AK5: variants seen among roughly 807,000 people sequenced by gnomAD.
The protein encoded by AK5 is adenylate kinase isoenzyme 5.
Under a neutral mutation model 69.5 loss-of-function variants are expected in AK5, and 27 were observed. The observed-to-expected ratio is 0.39, with a 90% CI of 0.29 to 0.54. The LOEUF is 0.54. AK5 is among the 20% of genes least tolerant of loss of function. The probability of loss-of-function intolerance (pLI) is 0.71; values close to 1 mark genes in which losing one functional copy is unlikely to be tolerated. For missense variants in AK5, 531 were observed against 700.4 expected, an observed-to-expected ratio of 0.76 and a Z score of 2.73; for synonymous variants, 260 against 244.4, an observed-to-expected ratio of 1.06 and a Z score of -0.60.
At chr1:77,467,347 A>G (rs949578587) in intron 8 of AK5, among the ~76,000 whole-genome samples, 19 of 152,206 alleles carry the variant, frequency 1.2e-4, no homozygotes, top group African/African-American at 4.6e-4. Context: ...ATGCATTCAC[A>G]ACAATGAGAA....
At chr1:77,282,930 C>T in intron 1 of AK5, 2 of 986,002 alleles carry the variant, frequency 2.0e-6, no homozygotes, top group South Asian at 4.7e-5. Context: ...GTGACAGGCC[C>T]CCAGCCTTGC....
intron 6 of AK5, among the ~76,000 whole-genome samples, chr1:77,403,123 G>A (rs1411191775): frequency 1.4e-4 from 21 of 152,134 alleles, no homozygotes; most frequent in African/African-American, 3.1e-4. Context: ...CATATCCTTC[G>A]CCCACTTTTT....
chr1:77,476,605 C>G (rs1349945168), intron 8 of AK5, among the ~76,000 whole-genome samples: 4 of 152,182 alleles, frequency 2.6e-5, no homozygotes, highest in Non-Finnish European at 5.9e-5. Context: ...TCACCATACT[C>G]CGTCATCCTG....
At chr1:77,406,538 C>G (rs530336886) in intron 6 of AK5, among the ~76,000 whole-genome samples, 11 of 152,008 alleles carry the variant, frequency 7.2e-5, no homozygotes, top group Non-Finnish European at 1.5e-4. Context: ...GTTTTTTCCC[C>G]CTTGCTTTTA....
chr1:77,340,478 T>C lies in AK5; in HGVS notation c.801T>C (p.Asn267=). 1 of 1,614,074 alleles carries C rather than the reference T, an allele frequency of 6.2e-7. No homozygotes were observed. Among genetic ancestry groups the C allele is most frequent in the East Asian group, 2.2e-5 (1 of 44,866 alleles). The change falls in exon 6 of 14, where the codon AAT becomes AAC. Residue 267 remains asparagine, a synonymous_variant. Coordinates refer to ENST00000354567, the MANE Select transcript of AK5 (RefSeq NM_174858.3). The part of the protein sequence containing the change: ...RAEQQGRPDD[N]VKATQRRLMN... ...AACAGCAGGGCCGACCAGACGACAATGTAAAAGCTACCCAAAGGAGACTAA... is the reference window on the plus strand; with the variant it reads ...AACAGCAGGGCCGACCAGACGACAACGTAAAAGCTACCCAAAGGAGACTAA...
At chr1:77,295,427 C>T (rs1474954786) in intron 3 of AK5, among the ~76,000 whole-genome samples, 1 of 152,104 alleles carries the variant, frequency 6.6e-6, no homozygotes, top group Non-Finnish European at 1.5e-5. Flanking sequence ...AACAAAATTA[C>T]AGAAAGAGAG....
chr1:77,504,096 G>A (rs1656886798), intron 10 of AK5, among the ~76,000 whole-genome samples: 1 of 152,084 alleles, frequency 6.6e-6, no homozygotes, highest in African/African-American at 2.4e-5. Flanking sequence ...GGTTCCTCAA[G>A]AGCAGAGTGC....
chr1:77,321,240 G>A (rs916541665), intron 5 of AK5, among the ~76,000 whole-genome samples: 1 of 152,158 alleles, frequency 6.6e-6, no homozygotes, highest in Admixed American at 6.5e-5. Flanking sequence ...GGGAGGCTGA[G>A]GTGGGCGGAT....
chr1:77,439,252 C>T (rs139340136), intron 8 of AK5, among the ~76,000 whole-genome samples: 2 of 152,266 alleles, frequency 1.3e-5, no homozygotes, highest in African/African-American at 4.8e-5. Flanking sequence ...AGGAAGCGAA[C>T]ATTTTCTAAA....
intron 13 of AK5, among the ~76,000 whole-genome samples, chr1:77,547,462 C>T (rs1213910703): frequency 6.6e-6 from 1 of 151,796 alleles, no homozygotes; most frequent in African/African-American, 2.4e-5. Context: ...TTAGTAGAGA[C>T]GGGGTTTCGC....
intron 8 of AK5, among the ~76,000 whole-genome samples, chr1:77,470,832 T>C (rs1654414825): frequency 1.8e-3 from 2 of 1,110 alleles, no homozygotes; most frequent in Non-Finnish European, 5.2e-3. Context: ...TTAGAATATA[T>C]ATATATATAT....
chr1:77,558,859 T>G lies in AK5; in HGVS notation c.*189T>G. The G allele has an allele frequency of 1.7e-6, 1 of 582,068 alleles. No individual in the cohort carries two copies. The highest frequency in any genetic ancestry group is 3.1e-6 in the Non-Finnish European group (1 of 317,466). 36.1% of individuals were successfully genotyped at this position (582,068 alleles called of 1,614,324 possible). ...GTGTCTGGAAATCATGCATGGTGTA[T>G]TTGGGACTATATCAACCTATTCTCC... is the stretch of plus-strand genomic sequence containing the variant. On this transcript the variant is annotated 3_prime_UTR_variant, in exon 14 of 14. Transcript: ENST00000354567.
chr1:77,297,145 T>C (rs1199515891), intron 3 of AK5, among the ~76,000 whole-genome samples: 1 of 152,210 alleles, frequency 6.6e-6, no homozygotes, highest in Non-Finnish European at 1.5e-5. Flanking sequence ...TTCACCGAAT[T>C]ACACATTAAC....
At chr1:77,381,187 G>A (rs560372079) in intron 6 of AK5, among the ~76,000 whole-genome samples, 1 of 152,208 alleles carries the variant, frequency 6.6e-6, no homozygotes, top group South Asian at 2.1e-4. Flanking sequence ...GAGACCTTTG[G>A]GAGGTGATCA....
At chr1:77,346,298 A>G (rs1007232617) in intron 6 of AK5, 2 of 152,210 alleles carry the variant, frequency 1.3e-5, no homozygotes, top group Non-Finnish European at 2.9e-5. Flanking sequence ...AGGAATAGTA[A>G]AAGTTAATTT....
chr1:77,558,477 T>TGGGG (rs10700476), intron 13 of AK5, 125 bp from the exon 14 acceptor site: 202 of 515,570 alleles, frequency 3.9e-4, no homozygotes, highest in African/African-American at 2.2e-3. Context: ...CTCTGTGTTT[T>TGGGG]GGGGGGGGTC....
intron 6 of AK5, among the ~76,000 whole-genome samples, chr1:77,392,847 A>C (rs1264795136): frequency 1.3e-5 from 2 of 152,006 alleles, no homozygotes; most frequent in Non-Finnish European, 2.9e-5. Flanking sequence ...CTCATTCCAA[A>C]TTCATCACTT....
chr1:77,486,506 T>C lies in AK5; in HGVS notation c.1147+154T>C, dbSNP rs925880288. Among the ~76,000 whole-genome samples the C allele has an allele frequency of 1.2e-4, 19 of 152,006 alleles. No individual in the cohort carries two copies. In the South Asian group the frequency reaches 2.1e-3, roughly 17 times the overall value. On this transcript the variant is annotated intron_variant, in intron 10 of 13. Coordinates refer to ENST00000354567, the MANE Select transcript of AK5 (RefSeq NM_174858.3). Reference sequence around the variant, plus strand: ...GTCAGGAGATCGAGACCATCCTGGCTAACACAGTGAAACCCCATCTCTAGT... The same window carrying C: ...GTCAGGAGATCGAGACCATCCTGGCCAACACAGTGAAACCCCATCTCTAGT...
rs532492215 is a variant in AK5 at position 77,298,401 on chromosome 1, T to C, written c.699+454T>C. On this transcript the variant is annotated intron_variant, in intron 5 of 13. Coordinates refer to ENST00000354567, the MANE Select transcript of AK5 (RefSeq NM_174858.3). ...TTCAGTTGCCAAAATTTGAGTAGGC[T>C]ATGCCTGCTCAACCCCCAATACATC... Among the ~76,000 whole-genome samples, 19 of 152,184 alleles carry C rather than the reference T, an allele frequency of 1.2e-4. No individual in the cohort carries two copies. The South Asian group carries it at 4.0e-3, about 32-fold the overall frequency.
Sources: gnomAD v4.1 joint callset for allele counts (sites outside exome capture counted in the v4.1 genomes callset) on GRCh38, gnomAD v4.1.1 for gene constraint, MANE v1.5 for transcripts, NCBI Gene and HGNC (gene_info 2026-07-23, HGNC 2026-07-21) for gene names.